Variants in MED12 observed in about 807,000 individuals in gnomAD.
The protein encoded by MED12 is mediator complex subunit 12.
A neutral mutation model predicts 177.7 loss-of-function variants in MED12; 10 were observed. The observed-to-expected ratio is 0.06, with a 90% CI of 0.03 to 0.10. MED12 has a LOEUF of 0.10. MED12 is among the 10% of genes least tolerant of loss of function. The probability of loss-of-function intolerance (pLI) is 1.00; values close to 1 mark genes in which losing one functional copy is unlikely to be tolerated. For missense variants in MED12, 867 were observed against 1,780.8 expected (o/e 0.49, Z 9.23); for synonymous variants, 641 against 678.4 (o/e 0.94, Z 0.86).
chrX:71,134,640 G>C (rs2092327619), intron 34 of MED12, 73 bp from the exon 35 acceptor site: 1 of 1,168,044 alleles, frequency 8.6e-7, no homozygotes, highest in African/African-American at 1.8e-5. Flanking sequence ...CTCCCTGCTT[G>C]TGTCCTCTGC....
rs751294090 is a variant in MED12 at position 71,136,972 on chromosome X, C to T, written c.5494C>T (p.Leu1832Phe). Residue 1832 changes from leucine to phenylalanine, a missense_variant, in exon 38 of 45, where the codon CTT becomes TTT. By Grantham distance (22) the Leu-to-Phe change is conservative. Coordinates refer to ENST00000374080, the MANE Select transcript of MED12 (RefSeq NM_005120.3). ...HHPNPGSITH[L>F]NYRQGSIGLY... ...CCCAAACCCTGGTTCTATAACACAC[C>T]TTAACTACAGGCAAGGCTCCATAGG... is the stretch of plus-strand genomic sequence containing the variant. 5.8e-6 allele frequency: 7 copies of T among 1,208,643 alleles called. No individual in the cohort carries two copies. Among genetic ancestry groups the T allele is most frequent in the Non-Finnish European group, 6.7e-6 (6 of 894,624 alleles).
chrX:71,140,813 C>A lies in MED12; in HGVS notation c.6223C>A (p.Gln2075Lys). Residue 2075 changes from glutamine (Q) to lysine (K), a missense_variant, in exon 42 of 45, where the codon CAG (glutamine) becomes AAG (lysine). This residue lies in a region of MED12 where 236 missense variants were observed against 345.2 expected (regional missense o/e 0.68). Transcript: ENST00000374080. ...GCAACAGCAACAGCAGCAGCAGCAG[C>A]AGCAGTACCACATCCGGCAGCAGCA... ...QQQQQQQQQQQQYHIRQQQQQ... is the reference protein window; with the variant it reads ...QQQQQQQQQQKQYHIRQQQQQ... 1 of 1,208,317 alleles carries A rather than the reference C, an allele frequency of 8.3e-7. No homozygotes were observed.
chrX:71,119,339 G>GA, intron 1 of MED12, 34 bp from the exon 2 acceptor site: 1 of 1,106,904 alleles, frequency 9.0e-7, no homozygotes. Flanking sequence ...TTCCCCTAAG[G>GA]AAAAAACAAC....
In MED12 at chrX:71,125,340, C is replaced by A. The variant is rs1290831093; in HGVS notation, c.2227-11C>A. The A allele has an allele frequency of 2.5e-6, 3 of 1,210,774 alleles. No individual in the cohort carries two copies. The Admixed American group carries it at 6.5e-5, about 26-fold the overall frequency. ...TCGGTGCTGGAGTCTGATGGTGCTG[C>A]TGGGATGCAGGAGGAGTCATGCAGC... On this transcript the variant is annotated splice_polypyrimidine_tract_variant and intron_variant, in intron 15 of 44. Transcript: ENST00000374080.
At chrX:71,123,499 G>GTAGA in intron 11 of MED12, 95 bp from the exon 12 acceptor site, 4 of 1,047,849 alleles carry the variant, frequency 3.8e-6, no homozygotes, top group Non-Finnish European at 5.3e-6. Flanking sequence ...AAAGCATGGG[G>GTAGA]TAGAGGTCAA....
intron 39 of MED12, 67 bp from the exon 40 acceptor site, chrX:71,137,491 G>GA (rs1272177752): frequency 9.6e-6 from 11 of 1,144,682 alleles, no homozygotes; most frequent in Non-Finnish European, 1.3e-5. Flanking sequence ...CTCAGGGTGG[G>GA]AGACACAAGA....
chrX:71,120,950 C>A lies in MED12; in HGVS notation c.554-21C>A, dbSNP rs150228870. On this transcript the variant is annotated intron_variant, in intron 4 of 44. Coordinates refer to ENST00000374080, the MANE Select transcript of MED12 (RefSeq NM_005120.3). Reference sequence around the variant, plus strand: ...AGCAGAAGGATAGTATCAAATAGCCCTTTTTCCCTCTTTCCTCCAGAATGG... The same window carrying A: ...AGCAGAAGGATAGTATCAAATAGCCATTTTTCCCTCTTTCCTCCAGAATGG... The A allele has an allele frequency of 3.2e-3, 3,866 of 1,207,368 alleles. 69 individuals are homozygous for A. The African/African-American group carries it at 0.059, about 19-fold the overall frequency.
At chrX:71,140,502 G>T in intron 41 of MED12, 133 bp from the exon 42 acceptor site, 2 of 1,110,068 alleles carry the variant, frequency 1.8e-6, no homozygotes, top group Non-Finnish European at 1.2e-6. Flanking sequence ...CAGACTGGAA[G>T]TCTGGTTAGT....
chrX:71,141,890 G>A lies in MED12; in HGVS notation c.6416G>A (p.Arg2139His), dbSNP rs1262235402. The A allele has an allele frequency of 1.7e-6, 2 of 1,210,332 alleles. No individual in the cohort carries two copies. Among genetic ancestry groups the A allele is most frequent in the Non-Finnish European group, 2.2e-6 (2 of 894,698 alleles). ...CTTCCTATTTCCACCCAGTTCCAGC[G>A]CCAGGGGCTTCAGCAGACCCAGCAG... Reference protein sequence around the residue: ...PQPQSQPQFQRQGLQQTQQQQ... With the variant: ...PQPQSQPQFQHQGLQQTQQQQ... Residue 2139 changes from arginine (R) to histidine (H), a missense_variant, in exon 44 of 45, where the codon CGC becomes CAC. By Grantham distance (29) the Arg-to-His change is conservative. Coordinates refer to ENST00000374080, the MANE Select transcript of MED12 (RefSeq NM_005120.3).
intron 11 of MED12, 96 bp from the exon 12 acceptor site, chrX:71,123,498 G>A: frequency 1.9e-6 from 2 of 1,040,639 alleles, no homozygotes; most frequent in Non-Finnish European, 2.7e-6. Context: ...AAAAGCATGG[G>A]GTAGAGGTCA....
chrX:71,124,523 C>T, intron 13 of MED12, 135 bp downstream of exon 13: 2 of 536,182 alleles, frequency 3.7e-6, no homozygotes, highest in Non-Finnish European at 6.3e-6. Context: ...ATTGACCAAG[C>T]ACTCTCACAT....
chrX:71,132,708 A>C, intron 31 of MED12, 137 bp from the exon 32 acceptor site: 1 of 840,373 alleles, frequency 1.2e-6, no homozygotes, highest in South Asian at 2.3e-5. Flanking sequence ...TAGTCTGGAG[A>C]ATGAGGTTGG....
chrX:71,132,617 C>T, intron 31 of MED12, 79 bp downstream of exon 31: 1 of 1,070,922 alleles, frequency 9.3e-7, no homozygotes, highest in Non-Finnish European at 1.3e-6. Flanking sequence ...TAAAATGGGC[C>T]AAGGAGAAGC....
intron 23 of MED12, 72 bp from the exon 24 acceptor site, chrX:71,128,526 G>A (rs2092308823): frequency 6.6e-6 from 8 of 1,206,457 alleles, no homozygotes; most frequent in South Asian, 3.5e-5. Context: ...ACAGAGTTCC[G>A]TAGAGTGGAG....
At position 71,137,270 on chromosome X, in the gene MED12, C is replaced by T. The variant is rs2147829222; in HGVS notation, c.5635C>T (p.Pro1879Ser). 1 of 1,211,887 alleles carries T rather than the reference C, an allele frequency of 8.3e-7. No individual in the cohort carries two copies. The highest frequency in any genetic ancestry group is 1.1e-6 in the Non-Finnish European group (1 of 895,428). Residue 1879 changes from proline to serine, a missense_variant, in exon 39 of 45, where the codon CCC becomes TCC. Coordinates refer to ENST00000374080, the MANE Select transcript of MED12 (RefSeq NM_005120.3). ...PTRPTYPGVL[P>S]TTMTGVMGLE... ...CCGACCAACTTACCCTGGAGTGCTGCCCACAACCATGACTGGCGTCATGGG... is the reference window on the plus strand; with the variant it reads ...CCGACCAACTTACCCTGGAGTGCTGTCCACAACCATGACTGGCGTCATGGG...
chrX:71,130,346 G>A (rs1174414789), intron 28 of MED12, 132 bp downstream of exon 28: 3 of 667,377 alleles, frequency 4.5e-6, no homozygotes, highest in Non-Finnish European at 6.7e-6. Flanking sequence ...GGAGGGGAGA[G>A]GTAGCGAGAG....
At chrX:71,125,168 T>C (rs749348176) in intron 15 of MED12, 22 bp downstream of exon 15, 1 of 1,207,961 alleles carries the variant, frequency 8.3e-7, no homozygotes, top group Admixed American at 2.2e-5. Context: ...CAGCACCTTG[T>C]GATGATCTGT....
chrX:71,140,080 C>CTTTTTTTTTTTTTTT (rs746271800), intron 41 of MED12, among the ~76,000 whole-genome samples: 1 of 88,647 alleles, frequency 1.1e-5, no homozygotes. Flanking sequence ...TCTTTTCTTT[C>CTTTTTTTTTTTTTTT]TTTTTTTTTT....
rs373707149 is a variant in MED12 at position 71,121,313 on chromosome X, C to G, written c.736-14C>G. 387 of 1,204,575 alleles carry G rather than the reference C, an allele frequency of 3.2e-4. No individual in the cohort carries two copies. The highest frequency in any genetic ancestry group is 3.6e-4 in the Non-Finnish European group (323 of 890,307). On this transcript the variant is annotated splice_polypyrimidine_tract_variant and intron_variant, in intron 5 of 44. Transcript: ENST00000374080. ...TCTCTAATAGTCCCCTCTTCCCTCC[C>G]CTGGTACCCATAGGATGGAATGCTG...
Sources: gnomAD v4.1 joint callset for allele counts (sites outside exome capture counted in the v4.1 genomes callset) on GRCh38, gnomAD v4.1.1 for gene constraint, gnomAD v4.1.1 regional missense constraint, MANE v1.5 for transcripts, NCBI Gene and HGNC (gene_info 2026-07-23, HGNC 2026-07-21) for gene names.